The following TAFA2 variants were observed in gnomAD, a reference collection of about 807,000 sequenced individuals.
The protein encoded by TAFA2 is TAFA chemokine like family member 2.
TAFA2 carries 7 observed loss-of-function variants against 18.8 expected under a neutral mutation model. The ratio of observed to expected loss-of-function variants is 0.37; its 90% CI spans 0.21 to 0.70. The LOEUF is 0.70. Among genes scored for constraint, TAFA2 ranks in the 30% least tolerant of loss-of-function variants. The pLI, the probability that TAFA2 is intolerant of heterozygous loss-of-function variation, is 0.53. For synonymous variants in TAFA2, 60 were observed against 54.2 expected (o/e 1.11, Z -0.47); for missense variants, 122 against 158.1 (o/e 0.77, Z 1.23).
intron 1 of TAFA2, among the ~76,000 whole-genome samples, chr12:62,168,379 C>A (rs1221959726): frequency 6.6e-6 from 1 of 152,106 alleles, no homozygotes; most frequent in Non-Finnish European, 1.5e-5. Flanking sequence ...GTTTGAACTA[C>A]CAATTAACCA....
chr12:61,761,451 A>G (rs116313990), intron 2 of TAFA2, among the ~76,000 whole-genome samples: 4,410 of 152,144 alleles, frequency 0.029, 224 homozygotes, highest in African/African-American at 0.099. Flanking sequence ...CAAATTATTC[A>G]CCTTAAATAG....
chr12:62,185,706 T>C (rs76432084), intron 1 of TAFA2, among the ~76,000 whole-genome samples: 8,298 of 152,262 alleles, frequency 0.054, 273 homozygotes, highest in African/African-American at 0.084. Context: ...AATATAAGTA[T>C]AAATGTTGTT....
At chr12:62,044,142 G>A (rs1040220948) in intron 1 of TAFA2, among the ~76,000 whole-genome samples, 2 of 151,002 alleles carry the variant, frequency 1.3e-5, no homozygotes, top group South Asian at 2.1e-4. Context: ...GGCAGTGGGT[G>A]TTAAAAAAAA....
chr12:62,072,102 A>C (rs1315029777), intron 1 of TAFA2, among the ~76,000 whole-genome samples: 1 of 152,172 alleles, frequency 6.6e-6, no homozygotes, highest in Non-Finnish European at 1.5e-5. Flanking sequence ...AAGATAGGTA[A>C]AGTAAAATGT....
chr12:62,069,761 A>G (rs187755580), intron 1 of TAFA2, among the ~76,000 whole-genome samples: 9 of 152,338 alleles, frequency 5.9e-5, no homozygotes, highest in African/African-American at 1.7e-4. Flanking sequence ...CATGACAAGA[A>G]CAACACAATA....
At chr12:61,920,952 A>G (rs866894567) in intron 1 of TAFA2, among the ~76,000 whole-genome samples, 3 of 152,104 alleles carry the variant, frequency 2.0e-5, no homozygotes, top group Non-Finnish European at 2.9e-5. Context: ...AATATTTGGG[A>G]AAAAATTCTC....
Position 61,851,774 on chromosome 12 carries a change from CAAAAAAAAAAAAAAAAAAAAAAAAAAAA to C in TAFA2, c.106+15518_106+15545del, listed in dbSNP as rs55651727. On this transcript the variant is annotated intron_variant, in intron 2 of 4. Coordinates refer to ENST00000416284, the MANE Select transcript of TAFA2 (RefSeq NM_178539.5). ...TGGGCGACAGAGCGAGACTCCATCT[CAAAAAAAAAAAAAAAAAAAAAAAAAAAA>C]AAAAAAAAAAAAAAAACATGTTCTA... Among the ~76,000 whole-genome samples the C allele has an allele frequency of 5.6e-3, 81 of 14,498 alleles. 2 individuals carry two copies. Among genetic ancestry groups the C allele is most frequent in the Admixed American group, 0.033 (23 of 698 alleles). The allele number at this position is 14,498 out of a possible 152,430, so 9.5% of individuals were successfully genotyped here.
intron 2 of TAFA2, among the ~76,000 whole-genome samples, chr12:61,813,189 T>A (rs1489578690): frequency 6.6e-6 from 1 of 151,326 alleles, no homozygotes; most frequent in Non-Finnish European, 1.5e-5. Context: ...ATTTTTAAAC[T>A]TTGACAATTT....
At position 61,947,662 on chromosome 12, in the gene TAFA2, A is replaced by G. The variant is rs144689470; in HGVS notation, c.-1-80236T>C. On this transcript the variant is annotated intron_variant, in intron 1 of 4. Transcript: ENST00000416284. ...TTTCTACCCATCCTTTCAAAGTTCT[A>G]CTCCAACAATACATGCTCTAAGAAG... Among the ~76,000 whole-genome samples the G allele has an allele frequency of 1.8e-4, 28 of 152,098 alleles. No individual in the cohort carries two copies. The East Asian group carries it at 5.4e-3, about 29-fold the overall frequency.
rs68172819 is a variant in TAFA2, at chr12:62,217,966, GTATTTATTTATT to G, written c.-130+40785_-130+40796del. Among the ~76,000 whole-genome samples, 140 of 127,574 alleles carry G rather than the reference GTATTTATTTATT, an allele frequency of 1.1e-3. 1 individual carries two copies. Among genetic ancestry groups the G allele is most frequent in the South Asian group, 6.1e-3 (25 of 4,086 alleles). 83.7% of individuals were successfully genotyped at this position (127,574 alleles called of 152,430 possible). On this transcript the variant is annotated intron_variant, in intron 1 of 5. Transcript: ENST00000551619. Reference sequence around the variant, plus strand: ...ATTGAATTTATCTATTTTTATGTATGTATTTATTTATTTATTTATTTATTTATTTATTTATTT... The same window carrying G: ...ATTGAATTTATCTATTTTTATGTATGTATTTATTTATTTATTTATTTATTT...
At chr12:61,832,138 A>G (rs11174190) in intron 2 of TAFA2, among the ~76,000 whole-genome samples, 51,608 of 151,560 alleles carry the variant, frequency 0.34, 9,059 homozygotes, top group Non-Finnish European at 0.39. Flanking sequence ...AAGCCTAATT[A>G]CCCTTTCTTA....
intron 2 of TAFA2, among the ~76,000 whole-genome samples, chr12:61,842,601 G>T (rs960064574): frequency 6.6e-6 from 1 of 151,742 alleles, no homozygotes; most frequent in African/African-American, 2.4e-5. Context: ...ATACTTCCTA[G>T]AAATCAAACT....
chr12:61,916,444 GA>G (rs1876824237), intron 1 of TAFA2, among the ~76,000 whole-genome samples: 1 of 152,164 alleles, frequency 6.6e-6, no homozygotes, highest in Non-Finnish European at 1.5e-5. Context: ...CCGACATACA[GA>G]AAAGGGTTGA....
chr12:62,143,141 G>T (rs1196754890), intron 1 of TAFA2, among the ~76,000 whole-genome samples: 2 of 152,154 alleles, frequency 1.3e-5, no homozygotes, highest in Admixed American at 6.6e-5. Flanking sequence ...GCCTAGCAAG[G>T]TTTTTCAACA....
At chr12:62,058,817 T>A (rs2136784600) in intron 1 of TAFA2, among the ~76,000 whole-genome samples, 1 of 152,190 alleles carries the variant, frequency 6.6e-6, no homozygotes, top group East Asian at 1.9e-4. Context: ...AAAAAATATA[T>A]CTGAGTGCGG....
intron 1 of TAFA2, among the ~76,000 whole-genome samples, chr12:62,100,344 C>T (rs534955793): frequency 6.6e-6 from 1 of 152,242 alleles, no homozygotes; most frequent in Middle Eastern, 3.4e-3. Context: ...TGGTTTATTC[C>T]CTTACTCCTA....
intron 1 of TAFA2, among the ~76,000 whole-genome samples, chr12:61,928,546 G>A (rs1877408914): frequency 6.6e-6 from 1 of 152,122 alleles, no homozygotes; most frequent in Non-Finnish European, 1.5e-5. Flanking sequence ...GGAGAAATAA[G>A]AATGCTTTTA....
At chr12:61,999,423 A>G (rs2136698814) in intron 1 of TAFA2, among the ~76,000 whole-genome samples, 1 of 152,316 alleles carries the variant, frequency 6.6e-6, no homozygotes, top group African/African-American at 2.4e-5. Flanking sequence ...GGAGTTTTAA[A>G]GTCTTGCATA....
At chr12:62,246,713 CT>C (rs1422853964) in intron 1 of TAFA2, among the ~76,000 whole-genome samples, 2 of 152,078 alleles carry the variant, frequency 1.3e-5, no homozygotes, top group African/African-American at 4.8e-5. Flanking sequence ...CCATTAGTGA[CT>C]TTTTTTCTAA....
Sources: allele counts gnomAD v4.1 joint callset (sites outside exome capture counted in the v4.1 genomes callset), GRCh38; gene constraint gnomAD v4.1.1; transcripts MANE v1.5; gene names NCBI Gene and HGNC (gene_info 2026-07-23, HGNC 2026-07-21).